Variants in DIP2C observed in about 807,000 individuals in gnomAD.
DIP2C encodes the protein DIP2 acetate--CoA ligase C (putative), also known as disco-interacting protein 2 homolog C.
A neutral mutation model predicts 192.4 loss-of-function variants in DIP2C; 33 were observed. The ratio of observed to expected loss-of-function variants is 0.17; its 90% CI spans 0.13 to 0.23. The LOEUF is 0.23. Ranked by LOEUF, DIP2C falls within the 10% of genes least tolerant of loss-of-function variation. DIP2C has a pLI of 1.00. For missense variants in DIP2C, 1,537 were observed against 2,110.1 expected, an observed-to-expected ratio of 0.73 and a Z score of 5.32; for synonymous variants, 979 against 864.1, an observed-to-expected ratio of 1.13 and a Z score of -2.33.
intron 2 of DIP2C, among the ~76,000 whole-genome samples, chr10:482,384 C>T (rs906372774): frequency 6.6e-6 from 1 of 152,148 alleles, no homozygotes; most frequent in South Asian, 2.1e-4. Context: ...GCTCACGCGA[C>T]CCCATGATGG....
chr10:578,930 C>G (rs1032309047), intron 1 of DIP2C, among the ~76,000 whole-genome samples: 1 of 152,066 alleles, frequency 6.6e-6, no homozygotes, highest in African/African-American at 2.4e-5. Flanking sequence ...CATAGGCACA[C>G]TGTAACATGT....
chr10:689,372 G>A lies in DIP2C; in HGVS notation c.85+122C>T. On this transcript the variant is annotated intron_variant, in intron 1 of 36. Transcript: ENST00000280886. The surrounding 1 kb of genome is among the most constrained non-coding windows in gnomAD (Gnocchi z 6.1). ...CCGGGGGACGCGCACGCTCCGGGCT[G>A]GGGTCGCACCTCCCCCTCCGGGCCC... The A allele has an allele frequency of 2.2e-6, 1 of 451,490 alleles. No homozygotes were observed. The highest frequency in any genetic ancestry group is 2.9e-6 in the Non-Finnish European group (1 of 339,752). The allele number at this position is 451,490 out of a possible 1,614,324, so 28.0% of individuals were successfully genotyped here.
rs1354169406 is a variant in DIP2C at position 532,664 on chromosome 10, GGT to G, written c.86-46136_86-46135del. 1.4e-4 allele frequency among the ~76,000 whole-genome samples: 13 copies of G among 92,170 alleles called. 1 individual carries two copies. The South Asian group carries it at 1.7e-3, about 12-fold the overall frequency. 60.5% of individuals were successfully genotyped at this position (92,170 alleles called of 152,430 possible). A position where few individuals can be genotyped will look rare whatever the true frequency, so the allele number is the denominator to read the frequency against. Reference sequence around the variant, plus strand: ...GAGTATGGGTGTGAGAGAGAGTATGGGTGTGAGAGAGAGTATGGGTGTGAGAG... The same window carrying G: ...GAGTATGGGTGTGAGAGAGAGTATGGGTGAGAGAGAGTATGGGTGTGAGAG... On this transcript the variant is annotated intron_variant, in intron 1 of 36. Transcript: ENST00000280886.
intron 1 of DIP2C, among the ~76,000 whole-genome samples, chr10:508,009 C>T (rs776636515): frequency 1.2e-4 from 18 of 152,230 alleles, no homozygotes; most frequent in Middle Eastern, 3.2e-3. Context: ...GCTGCAACCA[C>T]GTCTCTGTGC....
intron 24 of DIP2C, among the ~76,000 whole-genome samples, chr10:351,544 G>A (rs1375661476): frequency 6.6e-6 from 1 of 152,152 alleles, no homozygotes; most frequent in Admixed American, 6.5e-5. Flanking sequence ...ACATTTCTCT[G>A]AATTCAACCT....
At chr10:315,220 T>C (rs530508649) in intron 31 of DIP2C, among the ~76,000 whole-genome samples, 1 of 152,266 alleles carries the variant, frequency 6.6e-6, no homozygotes, top group Non-Finnish European at 1.5e-5. Flanking sequence ...CAGCTGTTCA[T>C]ATTTTTAAAC....
At chr10:310,399 C>T (rs572122207) in intron 31 of DIP2C, among the ~76,000 whole-genome samples, 1 of 152,214 alleles carries the variant, frequency 6.6e-6, no homozygotes, top group African/African-American at 2.4e-5. Context: ...ACTGCCAAGA[C>T]GGCGCTGCAA....
At chr10:381,324 C>A (rs761413529) in intron 17 of DIP2C, among the ~76,000 whole-genome samples, 1 of 152,166 alleles carries the variant, frequency 6.6e-6, no homozygotes, top group African/African-American at 2.4e-5. Flanking sequence ...CAGGGAGAAC[C>A]GGCATGGGGA....
chr10:453,258 C>T (rs1206857877), intron 3 of DIP2C, among the ~76,000 whole-genome samples: 1 of 152,082 alleles, frequency 6.6e-6, no homozygotes, highest in Admixed American at 6.6e-5. Flanking sequence ...ACAGTTTTAC[C>T]CGGCCACATG....
At chr10:330,647 C>CTTT (rs1389437486) in intron 29 of DIP2C, among the ~76,000 whole-genome samples, 2 of 112,772 alleles carry the variant, frequency 1.8e-5, no homozygotes, top group African/African-American at 7.9e-5. Context: ...CACCACCATG[C>CTTT]TTGTTTTTTT....
intron 1 of DIP2C, among the ~76,000 whole-genome samples, chr10:497,539 C>T (rs1427139292): frequency 1.3e-5 from 2 of 152,144 alleles, no homozygotes; most frequent in African/African-American, 2.4e-5. Context: ...CTGTTTGCTG[C>T]GGCAACGAGC....
chr10:565,354 T>TAAAATAAAAAAAAAAAAAAAAA (rs376030794), intron 1 of DIP2C, among the ~76,000 whole-genome samples: 1 of 114,130 alleles, frequency 8.8e-6, no homozygotes, highest in African/African-American at 3.8e-5. Context: ...ACCTGCATTC[T>TAAAATAAAAAAAAAAAAAAAAA]AAAAAAAAAA....
At chr10:662,087 G>A (rs781782215) in intron 1 of DIP2C, 41 of 717,386 alleles carry the variant, frequency 5.7e-5, no homozygotes, top group Non-Finnish European at 8.8e-5. Flanking sequence ...GATTCTCTCC[G>A]AAGCCCTCAG....
intron 1 of DIP2C, among the ~76,000 whole-genome samples, chr10:686,304 C>T (rs1384908070): frequency 2.0e-5 from 3 of 151,548 alleles, no homozygotes; most frequent in African/African-American, 4.8e-5. Flanking sequence ...CGCACCCTCA[C>T]GGCCTCTCCA....
chr10:383,932 T>TAA, intron 16 of DIP2C, 95 bp downstream of exon 16: 1 of 1,307,562 alleles, frequency 7.6e-7, no homozygotes, highest in Non-Finnish European at 9.7e-7. Flanking sequence ...GGGGAAAAAA[T>TAA]AAAAAAGACT....
At chr10:355,194 G>C (rs1303582703) in intron 24 of DIP2C, among the ~76,000 whole-genome samples, 1 of 152,174 alleles carries the variant, frequency 6.6e-6, no homozygotes, top group Admixed American at 6.5e-5. Context: ...GGGCCTTCCT[G>C]GTTTTAAAGC....
intron 2 of DIP2C, among the ~76,000 whole-genome samples, chr10:476,734 CT>C (rs1843062764): frequency 6.6e-6 from 1 of 152,190 alleles, no homozygotes; most frequent in African/African-American, 2.4e-5. Context: ...GCCTCAATCT[CT>C]GTTACAAGAA....
At chr10:493,180 C>T (rs1346393639) in intron 1 of DIP2C, among the ~76,000 whole-genome samples, 1 of 152,212 alleles carries the variant, frequency 6.6e-6, no homozygotes, top group Non-Finnish European at 1.5e-5. Flanking sequence ...AAGATTTAAA[C>T]ATGCCAGTTT....
chr10:310,467 A>C (rs1956521432), intron 31 of DIP2C, among the ~76,000 whole-genome samples: 1 of 152,196 alleles, frequency 6.6e-6, no homozygotes, highest in African/African-American at 2.4e-5. Flanking sequence ...ACATGCATCC[A>C]CCTTTAACAA....
Sources: gnomAD v4.1 joint callset for allele counts (sites outside exome capture counted in the v4.1 genomes callset) on GRCh38, gnomAD v4.1.1 for gene constraint, Gnocchi (gnomAD v3.1) non-coding constraint, MANE v1.5 for transcripts, NCBI Gene and HGNC (gene_info 2026-07-23, HGNC 2026-07-21) for gene names.